The following PROM1 variants were observed in gnomAD, a reference collection of about 807,000 sequenced individuals.
PROM1 encodes the protein prominin 1.
A neutral mutation model predicts 116.9 loss-of-function variants in PROM1; 105 were observed. That is an observed-to-expected ratio of 0.90 (90% confidence interval 0.77 to 1.06). The LOEUF is 1.06. Ranked by LOEUF, PROM1 falls within the 50% of genes least tolerant of loss-of-function variation. The pLI, the probability that PROM1 is intolerant of heterozygous loss-of-function variation, is 0.00. For missense variants in PROM1, 1,122 were observed against 1,045.2 expected (o/e 1.07, Z -1.01); for synonymous variants, 393 against 387.0 (o/e 1.02, Z -0.18).
chr4:16,072,037 A>C (rs972810797), intron 2 of PROM1, among the ~76,000 whole-genome samples: 1 of 152,170 alleles, frequency 6.6e-6, no homozygotes, highest in African/African-American at 2.4e-5. Context: ...CTTCAGGCCA[A>C]GGCAAGCATT....
At chr4:15,994,202 GT>G (rs1721755233) in intron 15 of PROM1, 131 bp from the exon 16 acceptor site, 2 of 1,485,690 alleles carry the variant, frequency 1.3e-6, no homozygotes, top group Non-Finnish European at 1.8e-6. Context: ...GGGGCTGCAT[GT>G]CCCCAGTGGC....
chr4:16,009,254 G>A, intron 11 of PROM1, 146 bp from the exon 12 acceptor site: 1 of 682,780 alleles, frequency 1.5e-6, no homozygotes, highest in South Asian at 2.0e-5. Flanking sequence ...TCTTCAACAA[G>A]CATGAATATA....
At chr4:15,995,741 C>T (rs1039645601) in intron 15 of PROM1, among the ~76,000 whole-genome samples, 3 of 152,160 alleles carry the variant, frequency 2.0e-5, no homozygotes, top group Non-Finnish European at 4.4e-5. Context: ...AGCTTAGGTG[C>T]CATTTCCCTC....
chr4:16,049,248 T>C (rs1737280723), intron 2 of PROM1, among the ~76,000 whole-genome samples: 2 of 152,196 alleles, frequency 1.3e-5, no homozygotes, highest in African/African-American at 2.4e-5. Context: ...TTGAAAGGAA[T>C]GTTATTTGAA....
At position 16,018,335 on chromosome 4, in the gene PROM1, A is replaced by C; in HGVS notation, c.990T>G (p.Pro330=). Residue 330 remains proline, a synonymous_variant, in exon 9 of 28, where the codon CCT becomes CCG. Coordinates refer to ENST00000447510, the MANE Select transcript of PROM1 (RefSeq NM_006017.3). ...RLSLSQLNSN[P]ELRQLPPVDA... ...CATGCCTGCTCACCTGCCTCAGTTC[A>C]GGGTTGCTATTCAGCTGGCTTAGAG... The C allele has an allele frequency of 6.2e-7, 1 of 1,613,110 alleles. No homozygotes were observed. The highest frequency in any genetic ancestry group is 8.5e-7 in the Non-Finnish European group (1 of 1,179,832).
chr4:16,005,243 G>A (rs1017880586), intron 13 of PROM1, among the ~76,000 whole-genome samples: 7 of 152,234 alleles, frequency 4.6e-5, no homozygotes, highest in Non-Finnish European at 7.4e-5. Flanking sequence ...GATTACAGGC[G>A]TGAGCCATCG....
chr4:16,077,381 T>C (rs545650512), intron 1 of PROM1, among the ~76,000 whole-genome samples: 1 of 152,314 alleles, frequency 6.6e-6, no homozygotes, highest in Non-Finnish European at 1.5e-5. Context: ...CACGTGTTTA[T>C]CTGCTGACCT....
At position 16,018,154 on chromosome 4, in the gene PROM1, G is replaced by A. The variant is rs1397114169; in HGVS notation, c.1002+169C>T. ...TCCCTTTTACTCCTTTGCTCCTGCT[G>A]TGGTCATTCCAATATGGTGATCAAA... is the stretch of plus-strand genomic sequence containing the variant. On this transcript the variant is annotated intron_variant, in intron 9 of 27. Transcript: ENST00000447510. The A allele has an allele frequency of 1.5e-5, 9 of 616,594 alleles. No individual in the cohort carries two copies. In the East Asian group the frequency reaches 2.5e-4, roughly 17 times the overall value. 38.2% of individuals were successfully genotyped at this position (616,594 alleles called of 1,614,324 possible).
chr4:16,027,244 G>A (rs1013655458), intron 5 of PROM1, among the ~76,000 whole-genome samples: 6 of 151,714 alleles, frequency 4.0e-5, no homozygotes, highest in Non-Finnish European at 4.4e-5. Flanking sequence ...AGGCACTCAT[G>A]CCAAAGAGGT....
At position 16,024,372 on chromosome 4, in the gene PROM1, A is replaced by G. The variant is rs16892824; in HGVS notation, c.631-14T>C. 6,121 of 1,604,414 alleles carry G rather than the reference A, an allele frequency of 3.8e-3. 106 individuals are homozygous for G. The African/African-American group carries it at 0.052, about 14-fold the overall frequency. ...ATATTTGATTTGCTGAAAAAAGAAC[A>G]TTCTGTGAAACCTCCCCTTCTAAGG... On this transcript the variant is annotated splice_polypyrimidine_tract_variant and intron_variant, in intron 6 of 27. Coordinates refer to ENST00000447510, the MANE Select transcript of PROM1 (RefSeq NM_006017.3).
chr4:15,991,143 C>G, intron 18 of PROM1, 79 bp downstream of exon 18: 1 of 1,196,012 alleles, frequency 8.4e-7, no homozygotes, highest in South Asian at 1.4e-5. Flanking sequence ...AGGAACCTCT[C>G]CAGCAGCTTC....
At chr4:16,056,729 G>C (rs1455700059) in intron 2 of PROM1, among the ~76,000 whole-genome samples, 1 of 152,180 alleles carries the variant, frequency 6.6e-6, no homozygotes, top group South Asian at 2.1e-4. Context: ...AATAGGCAGA[G>C]AAGCAAAGGG....
chr4:15,972,717 C>T (rs986405072), intron 26 of PROM1, among the ~76,000 whole-genome samples: 1 of 152,168 alleles, frequency 6.6e-6, no homozygotes, highest in Non-Finnish European at 1.5e-5. Context: ...AGGATTTGGG[C>T]TCTGAATGAT....
At chr4:15,984,053 T>C (rs1432351122) in intron 23 of PROM1, among the ~76,000 whole-genome samples, 1 of 152,214 alleles carries the variant, frequency 6.6e-6, no homozygotes, top group Non-Finnish European at 1.5e-5. Flanking sequence ...TCCTGACTCA[T>C]AAATATAATC....
intron 5 of PROM1, among the ~76,000 whole-genome samples, chr4:16,028,588 T>C (rs1731925901): frequency 6.6e-6 from 1 of 152,208 alleles, no homozygotes; most frequent in Non-Finnish European, 1.5e-5. Flanking sequence ...AAAGAAATTA[T>C]GCTTTGAGGT....
At chr4:15,985,884 C>CGTTT in intron 21 of PROM1, 56 bp from the exon 22 acceptor site, 27 of 72,136 alleles carry the variant, frequency 3.7e-4, no homozygotes, top group Non-Finnish European at 6.6e-4. Flanking sequence ...CATACTTAAA[C>CGTTT]ATTATAAATA....
chr4:16,013,927 T>G (rs1191718773), intron 10 of PROM1, among the ~76,000 whole-genome samples: 1 of 133,110 alleles, frequency 7.5e-6, no homozygotes, highest in Non-Finnish European at 1.6e-5. Context: ...AAAAATAAAA[T>G]TAGAAATATA....
intron 2 of PROM1, among the ~76,000 whole-genome samples, chr4:16,054,911 T>A (rs1738662146): frequency 6.6e-6 from 1 of 152,158 alleles, no homozygotes; most frequent in Non-Finnish European, 1.5e-5. Context: ...CTCAGCTGAT[T>A]TCCCTCATCA....
intron 2 of PROM1, among the ~76,000 whole-genome samples, chr4:16,053,504 T>C (rs1051780233): frequency 3.3e-5 from 5 of 152,192 alleles, no homozygotes; most frequent in Admixed American, 1.3e-4. Context: ...TGAGAAAATA[T>C]GGGCACTAAA....
Sources: allele counts gnomAD v4.1 joint callset (sites outside exome capture counted in the v4.1 genomes callset), GRCh38; gene constraint gnomAD v4.1.1; transcripts MANE v1.5; gene names NCBI Gene and HGNC (gene_info 2026-07-23, HGNC 2026-07-21).